The following ADCY2 variants were observed in gnomAD, a reference collection of about 807,000 sequenced individuals.
ADCY2 encodes adenylate cyclase type 2.
ADCY2 carries 31 observed loss-of-function variants against 125.2 expected under a neutral mutation model. That is an observed-to-expected ratio of 0.25 (90% CI 0.19 to 0.33). The LOEUF (loss-of-function observed/expected upper bound fraction) is 0.33, where lower values mean the gene tolerates loss of function less well. ADCY2 is among the 10% of genes least tolerant of loss of function. The probability of loss-of-function intolerance (pLI) is 1.00; values close to 1 mark genes in which losing one functional copy is unlikely to be tolerated. For missense variants in ADCY2, 904 were observed against 1,418.2 expected (o/e 0.64, Z 5.82); for synonymous variants, 512 against 548.4 (o/e 0.93, Z 0.93).
At chr5:7,413,792 G>A (rs942459728) in intron 1 of ADCY2, among the ~76,000 whole-genome samples, 63 of 152,092 alleles carry the variant, frequency 4.1e-4, no homozygotes, top group African/African-American at 1.5e-3. Flanking sequence ...GTCTGTATGT[G>A]GAGTTGAACT....
chr5:7,552,524 G>T (rs1279426483), intron 3 of ADCY2, among the ~76,000 whole-genome samples: 2 of 152,082 alleles, frequency 1.3e-5, no homozygotes, highest in Non-Finnish European at 2.9e-5. Flanking sequence ...TGCCTAACTT[G>T]CTTGGGAGAC....
chr5:7,671,770 T>C (rs957864005), intron 4 of ADCY2, among the ~76,000 whole-genome samples: 1 of 151,976 alleles, frequency 6.6e-6, no homozygotes, highest in Admixed American at 6.5e-5. Flanking sequence ...TGTTTGCAGC[T>C]ACACTCAAGT....
intron 17 of ADCY2, among the ~76,000 whole-genome samples, chr5:7,768,048 G>A (rs1272195624): frequency 2.3e-5 from 3 of 132,700 alleles, no homozygotes. Context: ...AAAAAAAAAA[G>A]AAGTGGCTTC....
At chr5:7,763,162 C>G (rs1199187280) in intron 16 of ADCY2, among the ~76,000 whole-genome samples, 1 of 151,698 alleles carries the variant, frequency 6.6e-6, no homozygotes, top group Non-Finnish European at 1.5e-5. Context: ...GGCGGGATCT[C>G]GGCTCACTGC....
intron 4 of ADCY2, among the ~76,000 whole-genome samples, chr5:7,686,156 G>A (rs909321424): frequency 1.3e-5 from 2 of 152,140 alleles, no homozygotes; most frequent in African/African-American, 4.8e-5. Flanking sequence ...GGTATAGTAT[G>A]TATTTCTATA....
intron 2 of ADCY2, among the ~76,000 whole-genome samples, chr5:7,431,545 G>C (rs1166308252): frequency 6.7e-6 from 1 of 149,680 alleles, no homozygotes; most frequent in Non-Finnish European, 1.5e-5. Context: ...AAAAAACCCT[G>C]ATAGATAAAA....
intron 20 of ADCY2, among the ~76,000 whole-genome samples, chr5:7,790,253 C>A (rs179043): frequency 6.6e-6 from 1 of 152,264 alleles, no homozygotes; most frequent in East Asian, 1.9e-4. Flanking sequence ...GCTTCCCTGA[C>A]AGCCTTCCAA....
chr5:7,744,199 C>T (rs1742527940), intron 15 of ADCY2, among the ~76,000 whole-genome samples: 1 of 151,770 alleles, frequency 6.6e-6, no homozygotes, highest in African/African-American at 2.4e-5. Context: ...GGGAGGGGAA[C>T]ATCACACACT....
chr5:7,726,924 G>A (rs1318176448), intron 13 of ADCY2, among the ~76,000 whole-genome samples: 2 of 152,120 alleles, frequency 1.3e-5, no homozygotes, highest in African/African-American at 2.4e-5. Context: ...ACTTATAGAT[G>A]GGTTTGAGAA....
intron 22 of ADCY2, among the ~76,000 whole-genome samples, chr5:7,816,285 C>G (rs1393568857): frequency 6.6e-6 from 1 of 152,192 alleles, no homozygotes; most frequent in Non-Finnish European, 1.5e-5. Context: ...TAGCTGCCAC[C>G]CGGGGCAGTA....
intron 4 of ADCY2, among the ~76,000 whole-genome samples, chr5:7,651,965 G>C (rs1032166989): frequency 6.6e-6 from 1 of 152,092 alleles, no homozygotes; most frequent in Non-Finnish European, 1.5e-5. Context: ...ACCATGACCA[G>C]TTAATTTTTG....
chr5:7,761,686 G>T (rs1743220283), intron 16 of ADCY2, among the ~76,000 whole-genome samples: 1 of 152,060 alleles, frequency 6.6e-6, no homozygotes, highest in Non-Finnish European at 1.5e-5. Flanking sequence ...ATAAAACCAG[G>T]ATTTATCACC....
chr5:7,591,393 A>C (rs918104398), intron 3 of ADCY2, among the ~76,000 whole-genome samples: 3 of 152,226 alleles, frequency 2.0e-5, no homozygotes, highest in African/African-American at 7.2e-5. Context: ...GCACATGAAC[A>C]GGACAGGTGA....
intron 18 of ADCY2, among the ~76,000 whole-genome samples, chr5:7,780,501 G>A (rs1743883096): frequency 6.6e-6 from 1 of 152,190 alleles, no homozygotes; most frequent in Non-Finnish European, 1.5e-5. Flanking sequence ...TATTGTGTGG[G>A]TAAAGGGGAA....
intron 2 of ADCY2, 112 bp from the exon 3 acceptor site, chr5:7,520,626 A>G: frequency 8.4e-7 from 1 of 1,185,160 alleles, no homozygotes; most frequent in Non-Finnish European, 1.2e-6. Context: ...GATTATTTCT[A>G]AAATGAGCAT....
chr5:7,644,126 T>C (rs1738807784), intron 4 of ADCY2, among the ~76,000 whole-genome samples: 1 of 152,128 alleles, frequency 6.6e-6, no homozygotes, highest in Non-Finnish European at 1.5e-5. Flanking sequence ...TTCCTTTCAC[T>C]CACCACTAAA....
At chr5:7,489,147 G>A (rs1743059741) in intron 2 of ADCY2, among the ~76,000 whole-genome samples, 4 of 152,178 alleles carry the variant, frequency 2.6e-5, no homozygotes, top group Admixed American at 2.0e-4. Flanking sequence ...CGTCTTGGGT[G>A]TCTTGGATAC....
Position 7,828,997 on chromosome 5 carries a change from T to G in ADCY2, c.*2126T>G, listed in dbSNP as rs915438845. ...TAAAAAGAACTCAAAAGGAGAACTG[T>G]GCTCTCCCAAAGCCATATCACCAGT... On this transcript the variant is annotated 3_prime_UTR_variant, in exon 25 of 25. Transcript: ENST00000338316. 6.6e-6 allele frequency: 1 copy of G among 152,388 alleles called. No individual in the cohort carries two copies. Among genetic ancestry groups the G allele is most frequent in the African/African-American group, 2.4e-5 (1 of 41,466 alleles). The allele number at this position is 152,388 out of a possible 1,614,324, so 9.4% of individuals were successfully genotyped here.
chr5:7,636,462 T>C (rs1162593911), intron 4 of ADCY2, among the ~76,000 whole-genome samples: 2 of 152,102 alleles, frequency 1.3e-5, no homozygotes, highest in Non-Finnish European at 2.9e-5. Flanking sequence ...GGTGTGGGGA[T>C]TAGTAGGGTG....
Sources: gnomAD v4.1 joint callset for allele counts (sites outside exome capture counted in the v4.1 genomes callset) on GRCh38, gnomAD v4.1.1 for gene constraint, MANE v1.5 for transcripts, NCBI Gene and HGNC (gene_info 2026-07-23, HGNC 2026-07-21) for gene names.